EPHA5: variants seen among roughly 807,000 people sequenced by gnomAD.
EPHA5 encodes the protein EPH receptor A5, also known as ephrin type-A receptor 5.
EPHA5 carries 60 observed loss-of-function variants against 105.0 expected under a neutral mutation model. The observed-to-expected ratio is 0.57, with a 90% CI of 0.46 to 0.71. The LOEUF (loss-of-function observed/expected upper bound fraction) is 0.71, where lower values mean the gene tolerates loss of function less well. Ranked by LOEUF, EPHA5 falls within the 30% of genes least tolerant of loss-of-function variation. The probability of loss-of-function intolerance (pLI) is 0.00; values close to 1 mark genes in which losing one functional copy is unlikely to be tolerated. For synonymous variants in EPHA5, 513 were observed against 449.1 expected (o/e 1.14, Z -1.80); for missense variants, 1,218 against 1,274.7 (o/e 0.96, Z 0.68).
chr4:65,477,208 A>G (rs1578206025), intron 5 of EPHA5, among the ~76,000 whole-genome samples: 1 of 152,288 alleles, frequency 6.6e-6, no homozygotes, highest in East Asian at 1.9e-4. Flanking sequence ...GAAAGCAGCA[A>G]TTTAAGTGAA....
chr4:65,437,443 T>G (rs1725583987), intron 5 of EPHA5, among the ~76,000 whole-genome samples: 1 of 152,090 alleles, frequency 6.6e-6, no homozygotes, highest in Admixed American at 6.6e-5. Flanking sequence ...ACATATCAAA[T>G]TTTAGAATAC....
intron 3 of EPHA5, among the ~76,000 whole-genome samples, chr4:65,549,657 A>T (rs576134068): frequency 6.6e-6 from 1 of 152,276 alleles, no homozygotes; most frequent in South Asian, 2.1e-4. Context: ...ATTTACTGAC[A>T]AAAGAAAAGA....
intron 3 of EPHA5, among the ~76,000 whole-genome samples, chr4:65,578,543 T>A (rs933634547): frequency 2.0e-5 from 3 of 152,308 alleles, no homozygotes; most frequent in Admixed American, 2.0e-4. Context: ...CAGTGTAGAA[T>A]GTTGACAGTA....
At position 65,365,672 on chromosome 4, in the gene EPHA5, TATATATATATATATATA is replaced by T. The variant is rs1560458064; in HGVS notation, c.1987+243_1987+259del. Among the ~76,000 whole-genome samples, 403 of 108,536 alleles carry T rather than the reference TATATATATATATATATA, an allele frequency of 3.7e-3. 21 individuals are homozygous for T. The highest frequency in any genetic ancestry group is 8.0e-3 in the Admixed American group (87 of 10,826). The allele number at this position is 108,536 out of a possible 152,430, so 71.2% of individuals were successfully genotyped here. A position where few individuals can be genotyped will look rare whatever the true frequency, so the allele number is the denominator to read the frequency against. On this transcript the variant is annotated intron_variant, in intron 10 of 16. Coordinates refer to ENST00000613740, the MANE Select transcript of EPHA5 (RefSeq NM_001281766.3). ...CACTATATATATATATATATATATA[TATATATATATATATATA>T]GTGAAACATTATCTATTTAAAATAT...
intron 5 of EPHA5, among the ~76,000 whole-genome samples, chr4:65,456,051 G>A (rs1302991232): frequency 2.0e-5 from 3 of 152,104 alleles, no homozygotes; most frequent in Non-Finnish European, 2.9e-5. Context: ...CTACTTAAAT[G>A]GACAGTAGAA....
intron 3 of EPHA5, among the ~76,000 whole-genome samples, chr4:65,496,115 C>T (rs2149228582): frequency 6.6e-6 from 1 of 152,188 alleles, no homozygotes; most frequent in East Asian, 1.9e-4. Flanking sequence ...TTTACATTTA[C>T]TTCATTTTAG....
intron 3 of EPHA5, among the ~76,000 whole-genome samples, chr4:65,521,331 C>T (rs950961615): frequency 3.3e-5 from 5 of 151,744 alleles, no homozygotes; most frequent in African/African-American, 1.2e-4. Context: ...CAATGAGAAC[C>T]CTTGGACACA....
chr4:65,367,251 C>A (rs1287734239), intron 9 of EPHA5, 106 bp downstream of exon 9: 251 of 775,972 alleles, frequency 3.2e-4, no homozygotes, highest in Middle Eastern at 7.9e-4. Context: ...AAAAAAAAAA[C>A]AATATTTTGG....
Position 65,324,259 on chromosome 4 carries a change from T to C in EPHA5, c.2946-40A>G, listed in dbSNP as rs1314398591. 4 of 1,368,082 alleles carry C rather than the reference T, an allele frequency of 2.9e-6. No homozygotes were observed. In the Admixed American group the frequency reaches 6.9e-5, roughly 24 times the overall value. 84.7% of individuals were successfully genotyped at this position (1,368,082 alleles called of 1,614,324 possible). Reference sequence around the variant, plus strand: ...CACACATTGGATGTATTGATTCAATTTGTAGCACACCTCAATATTTCATGT... The same window carrying C: ...CACACATTGGATGTATTGATTCAATCTGTAGCACACCTCAATATTTCATGT... On this transcript the variant is annotated intron_variant, in intron 16 of 16. Coordinates refer to ENST00000613740, the MANE Select transcript of EPHA5 (RefSeq NM_001281766.3).
At chr4:65,623,552 C>T (rs1329616130) in intron 2 of EPHA5, among the ~76,000 whole-genome samples, 1 of 152,040 alleles carries the variant, frequency 6.6e-6, no homozygotes, top group Admixed American at 6.6e-5. Flanking sequence ...GTGATAAGTG[C>T]TATGAGGAGA....
At chr4:65,429,076 C>T (rs966194335) in intron 5 of EPHA5, among the ~76,000 whole-genome samples, 18 of 152,024 alleles carry the variant, frequency 1.2e-4, no homozygotes, top group Middle Eastern at 3.4e-3. Flanking sequence ...TTTTAATACA[C>T]GAAGAGTCCT....
intron 8 of EPHA5, among the ~76,000 whole-genome samples, chr4:65,394,491 T>C (rs1445357318): frequency 6.6e-6 from 1 of 152,202 alleles, no homozygotes; most frequent in Non-Finnish European, 1.5e-5. Flanking sequence ...TTTGTATCCT[T>C]CTCTAGTAGG....
intron 16 of EPHA5, among the ~76,000 whole-genome samples, chr4:65,329,543 G>A (rs1022773386): frequency 6.6e-6 from 1 of 151,164 alleles, no homozygotes; most frequent in African/African-American, 2.4e-5. Context: ...TGGACTATTC[G>A]CTTTATATTA....
At chr4:65,536,887 T>C (rs904415608) in intron 3 of EPHA5, among the ~76,000 whole-genome samples, 3 of 151,846 alleles carry the variant, frequency 2.0e-5, no homozygotes, top group Admixed American at 6.6e-5. Context: ...ATGAAATTTG[T>C]TTTTAAATAT....
At chr4:65,518,672 C>A (rs1012349818) in intron 3 of EPHA5, among the ~76,000 whole-genome samples, 4 of 151,914 alleles carry the variant, frequency 2.6e-5, no homozygotes, top group Non-Finnish European at 5.9e-5. Context: ...AGGAAATGTA[C>A]CCTTTAAATA....
intron 3 of EPHA5, among the ~76,000 whole-genome samples, chr4:65,590,120 G>A (rs978579293): frequency 1.3e-5 from 2 of 152,084 alleles, no homozygotes; most frequent in African/African-American, 4.8e-5. Context: ...GGAGTTATCC[G>A]TCAGTCAAAT....
At chr4:65,607,240 A>G (rs1744316593) in intron 2 of EPHA5, among the ~76,000 whole-genome samples, 1 of 152,084 alleles carries the variant, frequency 6.6e-6, no homozygotes, top group Non-Finnish European at 1.5e-5. Context: ...AAGAAAACCT[A>G]GGCAATACCA....
At position 65,321,887 on chromosome 4, in the gene EPHA5, G is replaced by T. The variant is rs890958862; in HGVS notation, c.*2227C>A. ...GTAATTTTCCTTTTGAATCAATAAG[G>T]CTTTCATTCTGAAGTTTCTCAGTTG... On this transcript the variant is annotated 3_prime_UTR_variant, in exon 17 of 17. Coordinates refer to ENST00000613740, the MANE Select transcript of EPHA5 (RefSeq NM_001281766.3). 8.9e-6 allele frequency: 2 copies of T among 225,144 alleles called. No homozygotes were observed. The highest frequency in any genetic ancestry group is 1.8e-5 in the Non-Finnish European group (2 of 112,906). The allele number at this position is 225,144 out of a possible 1,614,324, so 13.9% of individuals were successfully genotyped here.
At chr4:65,499,179 C>T (rs1172860967) in intron 3 of EPHA5, among the ~76,000 whole-genome samples, 1 of 151,544 alleles carries the variant, frequency 6.6e-6, no homozygotes, top group East Asian at 1.9e-4. Context: ...CATTTTCCTA[C>T]CATCAAATCT....
Sources: gnomAD v4.1 joint callset for allele counts (sites outside exome capture counted in the v4.1 genomes callset) on GRCh38, gnomAD v4.1.1 for gene constraint, MANE v1.5 for transcripts, NCBI Gene and HGNC (gene_info 2026-07-23, HGNC 2026-07-21) for gene names.